Variants in DENND4C observed in about 807,000 individuals in gnomAD.
The protein encoded by DENND4C is DENN domain containing 4C.
A neutral mutation model predicts 203.0 loss-of-function variants in DENND4C; 108 were observed. The ratio of observed to expected loss-of-function variants is 0.53; its 90% CI spans 0.46 to 0.62. DENND4C has a LOEUF of 0.62. Ranked by LOEUF, DENND4C falls within the 20% of genes least tolerant of loss-of-function variation. DENND4C has a pLI of 0.00. For missense variants in DENND4C, 2,481 were observed against 2,301.2 expected (o/e 1.08, Z -1.60); for synonymous variants, 871 against 792.4 (o/e 1.10, Z -1.67).
intron 1 of DENND4C, among the ~76,000 whole-genome samples, chr9:19,232,660 G>A (rs1398248909): frequency 6.6e-6 from 1 of 152,156 alleles, no homozygotes; most frequent in Admixed American, 6.6e-5. Context: ...TGGCAGCATA[G>A]TTGGAGTGTG....
rs188862836 is a variant in DENND4C, at chr9:19,319,444, A to G, written c.1807+2605A>G. Among the ~76,000 whole-genome samples, 548 of 145,422 alleles carry G rather than the reference A, an allele frequency of 3.8e-3. 1 individual carries two copies. Among genetic ancestry groups the G allele is most frequent in the African/African-American group, 0.013 (524 of 39,334 alleles). On this transcript the variant is annotated intron_variant, in intron 12 of 32. Transcript: ENST00000434457. Reference sequence around the variant, plus strand: ...TACATATATATATACACACATATATATATACATATATATATATAAATTTTG... The same window carrying G: ...TACATATATATATACACACATATATGTATACATATATATATATAAATTTTG...
intron 1 of DENND4C, among the ~76,000 whole-genome samples, chr9:19,254,798 G>A (rs1037763546): frequency 1.3e-5 from 2 of 152,102 alleles, no homozygotes; most frequent in Non-Finnish European, 2.9e-5. Flanking sequence ...TACCTTGAAT[G>A]TTATATATAT....
At chr9:19,276,551 G>C (rs1832929907) in intron 2 of DENND4C, 72 bp downstream of exon 2, 1 of 878,932 alleles carries the variant, frequency 1.1e-6, no homozygotes, top group East Asian at 3.3e-5. Context: ...GTAGGAATTT[G>C]AAATCCTTGA....
At position 19,251,766 on chromosome 9, in the gene DENND4C, C is replaced by T. The variant is rs192372167; in HGVS notation, c.-18+20933C>T. On this transcript the variant is annotated intron_variant, in intron 1 of 32. Coordinates refer to ENST00000434457, the MANE Select transcript of DENND4C (RefSeq NM_001330640.2). ...AATGCTGCCAGTCTGTTTGCTAAAA[C>T]GTAACAAGAGTCACCTTTGCTCCAG... 1.2e-3 allele frequency among the ~76,000 whole-genome samples: 178 copies of T among 152,294 alleles called. 1 individual carries two copies. The highest frequency in any genetic ancestry group is 3.7e-3 in the African/African-American group (153 of 41,568).
chr9:19,374,129 G>A lies in DENND4C; in HGVS notation c.*1956G>A, dbSNP rs900567058. 3.9e-5 allele frequency among the ~76,000 whole-genome samples: 6 copies of A among 152,080 alleles called. No homozygotes were observed. Among genetic ancestry groups the A allele is most frequent in the African/African-American group, 1.4e-4 (6 of 41,392 alleles). On this transcript the variant is annotated 3_prime_UTR_variant, in exon 33 of 33. Coordinates refer to ENST00000434457, the MANE Select transcript of DENND4C (RefSeq NM_001330640.2). Reference sequence around the variant, plus strand: ...AGGTTGAATAAAATGAAAAATTGTTGTTTTCTGTTACATTAAGCCTCTTGA... The same window carrying A: ...AGGTTGAATAAAATGAAAAATTGTTATTTTCTGTTACATTAAGCCTCTTGA...
At chr9:19,250,515 G>A (rs985257568) in intron 1 of DENND4C, among the ~76,000 whole-genome samples, 13 of 151,996 alleles carry the variant, frequency 8.6e-5, no homozygotes, top group East Asian at 3.9e-4. Flanking sequence ...AACGTGAGTC[G>A]CTGCACCCGA....
At chr9:19,310,077 G>A (rs972330719) in intron 10 of DENND4C, among the ~76,000 whole-genome samples, 6 of 152,016 alleles carry the variant, frequency 3.9e-5, no homozygotes, top group Admixed American at 3.9e-4. Context: ...TTTTAAATTA[G>A]ACTTTCTACT....
intron 26 of DENND4C, among the ~76,000 whole-genome samples, chr9:19,353,691 G>C (rs929115674): frequency 6.6e-5 from 10 of 151,984 alleles, no homozygotes; most frequent in African/African-American, 2.4e-4. Flanking sequence ...CCAGTACTTT[G>C]GGAGGCCGAG....
At chr9:19,247,777 C>T (rs552472326) in intron 1 of DENND4C, among the ~76,000 whole-genome samples, 1 of 152,296 alleles carries the variant, frequency 6.6e-6, no homozygotes, top group East Asian at 1.9e-4. Context: ...TGGTTTATTT[C>T]CTCAAACCTA....
At chr9:19,244,378 A>G (rs1359328906) in intron 1 of DENND4C, among the ~76,000 whole-genome samples, 1 of 151,740 alleles carries the variant, frequency 6.6e-6, no homozygotes, top group Admixed American at 6.6e-5. Flanking sequence ...TTTTTGGATT[A>G]CTTGAGTATA....
In DENND4C at chr9:19,341,047, A is replaced by G. The variant is rs928128; in HGVS notation, c.2937A>G (p.Ala979=). The change falls in exon 21 of 33, where the codon GCA becomes GCG. Residue 979 remains alanine (A), a synonymous_variant. Transcript: ENST00000434457. ...GSKDELIKDD[A]EIHVPEEQAA... The stretch of plus-strand genomic sequence containing the variant: ...AGGATGAACTTATAAAGGATGATGC[A>G]GAAATTCATGTGCCTGAAGAACAGG... The G allele has an allele frequency of 0.22, 357,520 of 1,611,510 alleles. 42,365 individuals are homozygous for G. The highest frequency in any genetic ancestry group is 0.42 in the Middle Eastern group (2,531 of 6,048).
chr9:19,313,473 T>C (rs1195992062), intron 10 of DENND4C, among the ~76,000 whole-genome samples: 4 of 152,198 alleles, frequency 2.6e-5, no homozygotes, highest in Non-Finnish European at 4.4e-5. Flanking sequence ...AGATTACAAA[T>C]GGATGTTAAT....
At chr9:19,316,242 C>T (rs1235640254) in intron 10 of DENND4C, among the ~76,000 whole-genome samples, 175 bp from the exon 11 acceptor site, 4 of 152,070 alleles carry the variant, frequency 2.6e-5, no homozygotes, top group Admixed American at 1.3e-4. Flanking sequence ...TGACAGAGGT[C>T]GATTGAATGA....
chr9:19,256,340 G>A (rs532779517), intron 1 of DENND4C, among the ~76,000 whole-genome samples: 121 of 105,980 alleles, frequency 1.1e-3, no homozygotes, highest in Middle Eastern at 7.8e-3. Flanking sequence ...ATGGAGTTTC[G>A]CTCTTGTTGC....
intron 10 of DENND4C, among the ~76,000 whole-genome samples, chr9:19,306,213 G>A (rs1423244789): frequency 1.3e-5 from 2 of 152,128 alleles, no homozygotes; most frequent in Non-Finnish European, 2.9e-5. Context: ...GCCGTAGAAC[G>A]CTTTTATTCT....
chr9:19,300,300 T>C lies in DENND4C; in HGVS notation c.1280T>C (p.Val427Ala). The C allele has an allele frequency of 1.2e-6, 2 of 1,601,898 alleles. No homozygotes were observed. The highest frequency in any genetic ancestry group is 1.7e-6 in the Non-Finnish European group (2 of 1,171,648). The change falls in exon 9 of 33, where the codon GTC becomes GCC. Residue 427 changes from valine (V) to alanine (A), a missense_variant. By Grantham distance (64) the Val-to-Ala change is moderately conservative (BLOSUM62 0). Coordinates refer to ENST00000434457, the MANE Select transcript of DENND4C (RefSeq NM_001330640.2). The part of the protein sequence containing the change: ...KILLHSLRPA[V>A]LTGVAEAVVA... ...CTGCTGCATTCTCTTAGGCCAGCTGTCTTGACTGGGGTAGCTGAAGCTGTT... is the reference window on the plus strand; with the variant it reads ...CTGCTGCATTCTCTTAGGCCAGCTGCCTTGACTGGGGTAGCTGAAGCTGTT...
chr9:19,295,801 G>A lies in DENND4C; in HGVS notation c.802-207G>A, dbSNP rs190522128. Among the ~76,000 whole-genome samples the A allele has an allele frequency of 2.2e-3, 339 of 152,054 alleles. 3 individuals carry two copies. The highest frequency in any genetic ancestry group is 4.3e-3 in the Non-Finnish European group (292 of 67,994). On this transcript the variant is annotated intron_variant, in intron 5 of 32. Coordinates refer to ENST00000434457, the MANE Select transcript of DENND4C (RefSeq NM_001330640.2). ...TTTTGTATAAGATACATAGTTGAATGTATAAAATTGCAGTGGAAAAAATCT... is the reference window on the plus strand; with the variant it reads ...TTTTGTATAAGATACATAGTTGAATATATAAAATTGCAGTGGAAAAAATCT...
Position 19,296,067 on chromosome 9 carries a change from A to G in DENND4C, c.861A>G (p.Lys287=), listed in dbSNP as rs369894850. Residue 287 remains lysine, a synonymous_variant, in exon 6 of 33, where the codon AAA becomes AAG. Coordinates refer to ENST00000434457, the MANE Select transcript of DENND4C (RefSeq NM_001330640.2). ...ACTCTCGGGAACTTCTATCAGAGAAACAGCTTATGCACCTGGGCTTGTTGA... is the reference window on the plus strand; with the variant it reads ...ACTCTCGGGAACTTCTATCAGAGAAGCAGCTTATGCACCTGGGCTTGTTGA... ...EPYSRELLSE[K]QLMHLGLLTP... 5.0e-6 allele frequency: 8 copies of G among 1,614,032 alleles called. No individual in the cohort carries two copies. The highest frequency in any genetic ancestry group is 6.8e-6 in the Non-Finnish European group (8 of 1,180,020).
At chr9:19,349,971 T>G (rs1823715821) in intron 23 of DENND4C, among the ~76,000 whole-genome samples, 1 of 152,240 alleles carries the variant, frequency 6.6e-6, no homozygotes, top group Non-Finnish European at 1.5e-5. Context: ...ATAAGCATTT[T>G]TCATTCCTTG....
Sources: allele counts gnomAD v4.1 joint callset (sites outside exome capture counted in the v4.1 genomes callset), GRCh38; gene constraint gnomAD v4.1.1; transcripts MANE v1.5; gene names NCBI Gene and HGNC (gene_info 2026-07-23, HGNC 2026-07-21).